RASGRP4: variants seen among roughly 807,000 people sequenced by gnomAD.
RASGRP4 encodes RAS guanyl releasing protein 4.
In RASGRP4, 52 loss-of-function variants were observed where a neutral mutation model predicts 84.4. That is an observed-to-expected ratio of 0.62 (90% CI 0.49 to 0.78). The LOEUF (loss-of-function observed/expected upper bound fraction) is 0.78, where lower values mean the gene tolerates loss of function less well. Among genes scored for constraint, RASGRP4 ranks in the 30% least tolerant of loss-of-function variants. The pLI is 0.00. For missense variants in RASGRP4, 760 were observed against 886.9 expected (o/e 0.86, Z 1.82); for synonymous variants, 356 against 359.1 (o/e 0.99, Z 0.10).
In RASGRP4 at chr19:38,421,165, G is replaced by A; in HGVS notation, c.244C>T (p.Leu82Phe). Reference protein sequence around the residue: ...AGSLCHEDHMLNMVLAMHSWV... With the variant: ...AGSLCHEDHMFNMVLAMHSWV... ...CTGTGCATGGCCAGCACCATGTTGA[G>A]CATGTGGTCCTCGTGGCACAGGCTG... The change falls in exon 3 of 17, where the codon CTC becomes TTC. Residue 82 changes from leucine (L) to phenylalanine (F), a missense_variant. By Grantham distance (22) the Leu-to-Phe change is conservative. Coordinates refer to ENST00000615439, the MANE Select transcript of RASGRP4 (RefSeq NM_170604.3). 2 of 1,613,910 alleles carry A rather than the reference G, an allele frequency of 1.2e-6. No homozygotes were observed. The highest frequency in any genetic ancestry group is 1.7e-6 in the Non-Finnish European group (2 of 1,179,846).
chr19:38,410,120 A>G, intron 16 of RASGRP4, 24 bp from the exon 17 acceptor site: 1 of 1,597,368 alleles, frequency 6.3e-7, no homozygotes, highest in Non-Finnish European at 8.6e-7. Context: ...GGGAGGAAGA[A>G]AGATGACAGA....
chr19:38,414,318 T>TTTTC (rs1600553737), intron 9 of RASGRP4, among the ~76,000 whole-genome samples: 1 of 151,994 alleles, frequency 6.6e-6, no homozygotes, highest in East Asian at 1.9e-4. Flanking sequence ...ATTTTATTTT[T>TTTTC]ATTTATTTAT....
chr19:38,421,114 C>T lies in RASGRP4; in HGVS notation c.295G>A (p.Ala99Thr), dbSNP rs374755676. ...HSWVLPSADLAARLLTSYQKA... is the reference protein window; with the variant it reads ...HSWVLPSADLTARLLTSYQKA... ...GGATATGAGGTCAGCAGGCGGGCAG[C>T]CAGGTCGGCGGACGGCAGCACCCAG... The change falls in exon 3 of 17, where the codon GCT becomes ACT. Residue 99 changes from alanine (A) to threonine (T), a missense_variant. By Grantham distance (58) the Ala-to-Thr change is moderately conservative (BLOSUM62 0). Transcript: ENST00000615439. 8.1e-6 allele frequency: 13 copies of T among 1,613,774 alleles called. No individual in the cohort carries two copies. The African/African-American group carries it at 1.2e-4, about 15-fold the overall frequency.
chr19:38,414,073 C>T (rs1170379716), intron 9 of RASGRP4, among the ~76,000 whole-genome samples: 1 of 151,978 alleles, frequency 6.6e-6, no homozygotes, highest in Non-Finnish European at 1.5e-5. Flanking sequence ...GGATTACAGG[C>T]GTGTGCCACT....
intron 1 of RASGRP4, among the ~76,000 whole-genome samples, chr19:38,425,592 C>G (rs74515497): frequency 1.3e-5 from 2 of 152,116 alleles, no homozygotes; most frequent in Non-Finnish European, 2.9e-5. Context: ...GAAGCCCATT[C>G]CAGAACCGGC....
rs367734199 is a variant in RASGRP4, at chr19:38,413,382, G to T, written c.1311+12C>A. Reference sequence around the variant, plus strand: ...TAATTGGGGGAGTCCGAGGCCAGGGGTTGGGTCTCACCAGGCTCTTGGGAC... The same window carrying T: ...TAATTGGGGGAGTCCGAGGCCAGGGTTTGGGTCTCACCAGGCTCTTGGGAC... On this transcript the variant is annotated intron_variant, in intron 10 of 16. Coordinates refer to ENST00000615439, the MANE Select transcript of RASGRP4 (RefSeq NM_170604.3). The surrounding 1 kb of genome is among the most constrained non-coding windows in gnomAD (Gnocchi z 4.7). 893 of 1,608,954 alleles carry T rather than the reference G, an allele frequency of 5.6e-4. 2 individuals are homozygous for T. Among genetic ancestry groups the T allele is most frequent in the Admixed American group, 1.6e-3 (92 of 59,172 alleles).
At position 38,413,580 on chromosome 19, in the gene RASGRP4, G is replaced by C; in HGVS notation, c.1231-106C>G. ...AAAGCCCCTCCTGGGTTCAAATCCT[G>C]GCATTACTGCTGTGGGACAGTGGGC... On this transcript the variant is annotated intron_variant, in intron 9 of 16. Coordinates refer to ENST00000615439, the MANE Select transcript of RASGRP4 (RefSeq NM_170604.3). This position sits in a 1 kb window ranked among gnomAD's most constrained non-coding sequence, Gnocchi z 4.7. 2.2e-6 allele frequency: 2 copies of C among 921,422 alleles called. No homozygotes were observed. Among genetic ancestry groups the C allele is most frequent in the Non-Finnish European group, 3.4e-6 (2 of 588,050 alleles). The allele number at this position is 921,422 out of a possible 1,614,324, so 57.1% of individuals were successfully genotyped here.
At chr19:38,421,433 C>T (rs934575459) in intron 2 of RASGRP4, among the ~76,000 whole-genome samples, 4 of 152,152 alleles carry the variant, frequency 2.6e-5, no homozygotes, top group Non-Finnish European at 4.4e-5. Flanking sequence ...CCAGACTGGC[C>T]GGGCACAGTG....
chr19:38,426,200 G>C lies in RASGRP4; in HGVS notation c.-109C>G, dbSNP rs1398777517. 2.2e-6 allele frequency: 2 copies of C among 907,304 alleles called. No homozygotes were observed. The highest frequency in any genetic ancestry group is 2.9e-6 in the Non-Finnish European group (2 of 682,456). The allele number at this position is 907,304 out of a possible 1,614,324, so 56.2% of individuals were successfully genotyped here. On this transcript the variant is annotated 5_prime_UTR_variant, in exon 1 of 17. Transcript: ENST00000615439. ...GCCCCTAGGGAGCTGGGGCCTCCTC[G>C]GTGCTTGGGAAGGAAAGAGGAACTG...
intron 6 of RASGRP4, 36 bp downstream of exon 6, chr19:38,419,824 C>T (rs1430855381): frequency 6.5e-7 from 1 of 1,550,278 alleles, no homozygotes; most frequent in Non-Finnish European, 8.7e-7. Flanking sequence ...CCCAGTGTCT[C>T]CCCTGCTTGG....
At chr19:38,419,590 C>T (rs1389516901) in intron 6 of RASGRP4, among the ~76,000 whole-genome samples, 2 of 152,178 alleles carry the variant, frequency 1.3e-5, no homozygotes, top group South Asian at 2.1e-4. Flanking sequence ...TGCACCACCA[C>T]ACCTGGATAA....
chr19:38,413,128 G>A lies in RASGRP4; in HGVS notation c.1416+65C>T. 2.5e-6 allele frequency: 4 copies of A among 1,578,556 alleles called. No individual in the cohort carries two copies. Among genetic ancestry groups the A allele is most frequent in the Non-Finnish European group, 3.5e-6 (4 of 1,148,160 alleles). On this transcript the variant is annotated intron_variant, in intron 11 of 16. Coordinates refer to ENST00000615439, the MANE Select transcript of RASGRP4 (RefSeq NM_170604.3). The surrounding 1 kb of genome is among the most constrained non-coding windows in gnomAD (Gnocchi z 4.7). ...CATGGCCATAAGTCCCCACCTCCAG[G>A]CTCAGGGTTCTACAGATGTCTTCCC...
rs192214583 is a variant in RASGRP4, at chr19:38,414,419, C to T, written c.1230+429G>A. On this transcript the variant is annotated intron_variant, in intron 9 of 16. Coordinates refer to ENST00000615439, the MANE Select transcript of RASGRP4 (RefSeq NM_170604.3). The stretch of plus-strand genomic sequence containing the variant: ...TCAGCTCACTGCAACCTCCACCTCC[C>T]GGGTTCAAGCAATTCTCCTGCCTCA... Among the ~76,000 whole-genome samples the T allele has an allele frequency of 2.4e-3, 359 of 151,984 alleles. No individual in the cohort carries two copies. The Middle Eastern group carries it at 0.027, about 12-fold the overall frequency.
intron 8 of RASGRP4, 144 bp downstream of exon 8, chr19:38,416,908 G>A (rs1286903531): frequency 3.1e-6 from 2 of 636,256 alleles, no homozygotes; most frequent in African/African-American, 1.8e-5. Context: ...TGCTGGCAGA[G>A]CCTGGGGGTC....
chr19:38,415,718 A>T (rs544017814), intron 8 of RASGRP4, among the ~76,000 whole-genome samples: 1 of 151,906 alleles, frequency 6.6e-6, no homozygotes, highest in Non-Finnish European at 1.5e-5. Flanking sequence ...TCTGTCACCC[A>T]GGCTGGAGTA....
At chr19:38,411,509 T>G in intron 13 of RASGRP4, 128 bp from the exon 14 acceptor site, 2 of 938,706 alleles carry the variant, frequency 2.1e-6, no homozygotes, top group East Asian at 5.3e-5. Context: ...GAGATTTAAC[T>G]GGAATTAAAG....
Position 38,420,788 on chromosome 19 carries a change from C to G in RASGRP4, c.377+120G>C. On this transcript the variant is annotated intron_variant, in intron 4 of 16. Transcript: ENST00000615439. ...AGGTGTCTCAGAAGTGGGATTTTGG[C>G]CTGTGGGGCTGGTTGGGTCTGTGGG... 4 of 964,858 alleles carry G rather than the reference C, an allele frequency of 4.1e-6. No individual in the cohort carries two copies. The South Asian group carries it at 5.6e-5, about 13-fold the overall frequency. 59.8% of individuals were successfully genotyped at this position (964,858 alleles called of 1,614,324 possible). A position where few individuals can be genotyped will look rare whatever the true frequency, so the allele number is the denominator to read the frequency against.
chr19:38,418,364 T>G lies in RASGRP4; in HGVS notation c.837+27A>C. The G allele has an allele frequency of 6.3e-7, 1 of 1,589,950 alleles. No homozygotes were observed. Among genetic ancestry groups the G allele is most frequent in the Non-Finnish European group, 8.6e-7 (1 of 1,169,064 alleles). ...GACCAGGTGGCTGCGTGCAGTGGAG[T>G]TCGCAGCCCCAAGGGGCGGGCCTCA... is the stretch of plus-strand genomic sequence containing the variant. On this transcript the variant is annotated intron_variant, in intron 7 of 16. Transcript: ENST00000615439. This position sits in a 1 kb window ranked among gnomAD's most constrained non-coding sequence, Gnocchi z 4.6.
At chr19:38,416,873 G>C (rs1345175346) in intron 8 of RASGRP4, among the ~76,000 whole-genome samples, 179 bp downstream of exon 8, 1 of 152,210 alleles carries the variant, frequency 6.6e-6, no homozygotes, top group Non-Finnish European at 1.5e-5. Context: ...AGCACCATGA[G>C]TGGATGGATG....
Sources: gnomAD v4.1 joint callset for allele counts (sites outside exome capture counted in the v4.1 genomes callset) on GRCh38, gnomAD v4.1.1 for gene constraint, Gnocchi (gnomAD v3.1) non-coding constraint, MANE v1.5 for transcripts, NCBI Gene and HGNC (gene_info 2026-07-23, HGNC 2026-07-21) for gene names.